Variants in CPT2 observed in about 807,000 individuals in gnomAD.
CPT2 encodes carnitine palmitoyltransferase 2.
Under a neutral mutation model 48.6 loss-of-function variants are expected in CPT2, and 37 were observed. The ratio of observed to expected loss-of-function variants is 0.76; its 90% CI spans 0.59 to 1.00. The LOEUF (loss-of-function observed/expected upper bound fraction) is 1.00. Among genes scored for constraint, CPT2 ranks in the 50% least tolerant of loss-of-function variants. CPT2 has a pLI of 0.00. For missense variants in CPT2, 772 were observed against 825.6 expected (o/e 0.94, Z 0.80); for synonymous variants, 319 against 326.9 (o/e 0.98, Z 0.26).
chr1:53,207,759 C>T (rs1463873438), intron 3 of CPT2: 3 of 152,216 alleles, frequency 2.0e-5, no homozygotes, highest in Admixed American at 6.5e-5. Context: ...CTGCACCCAG[C>T]CCCCAGTTTT....
chr1:53,204,264 T>G (rs1004921145), intron 3 of CPT2: 5 of 152,074 alleles, frequency 3.3e-5, no homozygotes, highest in African/African-American at 1.2e-4. Flanking sequence ...CCTCTAATTT[T>G]CTTTTCTCTC....
chr1:53,211,401 C>A, intron 4 of CPT2, 82 bp downstream of exon 4: 1 of 1,360,738 alleles, frequency 7.3e-7, no homozygotes, highest in Non-Finnish European at 1.0e-6. Flanking sequence ...TACTCCAAAT[C>A]TGATTTCTAC....
At position 53,211,108 on chromosome 1, in the gene CPT2, G is replaced by C. The variant is rs1645423992; in HGVS notation, c.1434G>C (p.Gln478His). The change falls in exon 4 of 5, where the codon CAG becomes CAC. Residue 478 changes from glutamine (Q) to histidine (H), a missense_variant. By Grantham distance (24) the Gln-to-His change is conservative. Coordinates refer to ENST00000371486, the MANE Select transcript of CPT2 (RefSeq NM_000098.3). ...QLAFQMAFLR[Q>H]YGQTVATYES... ...CATTCCAGATGGCCTTCCTGCGGCAGTACGGGCAGACAGTGGCCACCTACG... is the reference window on the plus strand; with the variant it reads ...CATTCCAGATGGCCTTCCTGCGGCACTACGGGCAGACAGTGGCCACCTACG... 1.2e-6 allele frequency: 2 copies of C among 1,614,146 alleles called. No homozygotes were observed. Among genetic ancestry groups the C allele is most frequent in the Non-Finnish European group, 8.5e-7 (1 of 1,180,012 alleles).
Position 53,210,373 on chromosome 1 carries a change from A to G in CPT2, c.699A>G (p.Glu233=). The change falls in exon 4 of 5, where the codon GAA becomes GAG. Residue 233 remains glutamate, a synonymous_variant. Coordinates refer to ENST00000371486, the MANE Select transcript of CPT2 (RefSeq NM_000098.3). ...STRLPKPSRD[E]LFTDDKARHL... ...GTTTACCCAAACCCAGTCGGGATGA[A>G]CTCTTCACTGATGACAAGGCCAGAC... The G allele has an allele frequency of 6.2e-7, 1 of 1,613,944 alleles. No homozygotes were observed. Among genetic ancestry groups the G allele is most frequent in the Non-Finnish European group, 8.5e-7 (1 of 1,180,000 alleles).
chr1:53,204,549 G>A (rs938593065), intron 3 of CPT2, among the ~76,000 whole-genome samples: 4 of 151,890 alleles, frequency 2.6e-5, no homozygotes, highest in Middle Eastern at 3.4e-3. Context: ...TGTTGTCTTC[G>A]ATATGAGTGA....
intron 2 of CPT2, 34 bp downstream of exon 2, chr1:53,200,833 G>C: frequency 2.6e-6 from 4 of 1,560,678 alleles, no homozygotes; most frequent in Non-Finnish European, 3.5e-6. Flanking sequence ...AGCATAGTTG[G>C]GGTGGTTCAA....
rs141814677 is a variant in CPT2 at position 53,213,292 on chromosome 1, T to G, written c.1674T>G (p.Ala558=). The G allele has an allele frequency of 2.0e-5, 33 of 1,614,106 alleles. No individual in the cohort carries two copies. Among genetic ancestry groups the G allele is most frequent in the Admixed American group, 1.7e-5 (1 of 60,008 alleles). ...MGQGFDRHLF[A]LRHLAAAKGI... is the part of the protein sequence containing the mutation. ...AGGGCTTTGACCGACACTTGTTTGCTCTGCGGCATCTGGCAGCAGCCAAAG... is the reference window on the plus strand; with the variant it reads ...AGGGCTTTGACCGACACTTGTTTGCGCTGCGGCATCTGGCAGCAGCCAAAG... Residue 558 remains alanine, a synonymous_variant, in exon 5 of 5, where the codon GCT becomes GCG. Transcript: ENST00000371486.
rs144686779 is a variant in CPT2, at chr1:53,210,118, G to C, written c.444G>C (p.Gln148His). 6.2e-7 allele frequency: 1 copy of C among 1,613,998 alleles called. No individual in the cohort carries two copies. The highest frequency in any genetic ancestry group is 1.3e-5 in the African/African-American group (1 of 74,954). ...ACCCAAAATCTGAGTATAATGACCA[G>C]CTCACCCGGGCAACCAACATGACTG... ...NPDPKSEYND[Q>H]LTRATNMTVS... The change falls in exon 4 of 5, where the codon CAG (glutamine) becomes CAC (histidine). Residue 148 changes from glutamine to histidine, a missense_variant. By Grantham distance (24) the Gln-to-His change is conservative. Transcript: ENST00000371486.
chr1:53,200,469 CTAT>C lies in CPT2; in HGVS notation c.153-245_153-243del, dbSNP rs1426146142. Reference sequence around the variant, plus strand: ...CAGCTTCTGCTTCCCCATTTTGAATCTATTATTGTTATTTAAAATAATTATATT... The same window carrying C: ...CAGCTTCTGCTTCCCCATTTTGAATCTATTGTTATTTAAAATAATTATATT... On this transcript the variant is annotated intron_variant, in intron 1 of 4. Transcript: ENST00000371486. The C allele has an allele frequency of 2.0e-5, 8 of 406,656 alleles. No homozygotes were observed. The Admixed American group carries it at 2.9e-4, about 15-fold the overall frequency. 25.2% of individuals were successfully genotyped at this position (406,656 alleles called of 1,614,324 possible). A position where few individuals can be genotyped will look rare whatever the true frequency, so the allele number is the denominator to read the frequency against.
At position 53,213,219 on chromosome 1, in the gene CPT2, CCT is replaced by C. The variant is rs762257673; in HGVS notation, c.1646-44_1646-43del. On this transcript the variant is annotated intron_variant, in intron 4 of 4. Coordinates refer to ENST00000371486, the MANE Select transcript of CPT2 (RefSeq NM_000098.3). ...GTGAGTTGGGAGGTTTTCCTGAGGT[CCT>C]TTTCCATCCTGAGACTCTGGTTTTC... 3 of 1,604,658 alleles carry C rather than the reference CCT, an allele frequency of 1.9e-6. No individual in the cohort carries two copies. The South Asian group carries it at 3.3e-5, about 18-fold the overall frequency.
chr1:53,209,503 TACA>T (rs1645407701), intron 3 of CPT2: 2 of 180,696 alleles, frequency 1.1e-5, no homozygotes, highest in African/African-American at 4.8e-5. Flanking sequence ...ACTTAAATGC[TACA>T]ACATGGATGA....
At chr1:53,199,533 C>G (rs1287572185) in intron 1 of CPT2, among the ~76,000 whole-genome samples, 1 of 152,126 alleles carries the variant, frequency 6.6e-6, no homozygotes, top group Non-Finnish European at 1.5e-5. Context: ...AATCAAATTG[C>G]CATTGTCTCT....
Position 53,202,377 on chromosome 1 carries a change from T to C in CPT2, c.288T>C (p.His96=), listed in dbSNP as rs1304127437. ...AAAATGGGATTGGAAAAGAACTGCA[T>C]GAGCAGCTGGTTGCTCTGGACAAAC... ...SFENGIGKEL[H]EQLVALDKQN... The change falls in exon 3 of 5, where the codon CAT becomes CAC. Residue 96 remains histidine, a synonymous_variant. Coordinates refer to ENST00000371486, the MANE Select transcript of CPT2 (RefSeq NM_000098.3). The C allele has an allele frequency of 1.2e-6, 2 of 1,614,174 alleles. No homozygotes were observed. The highest frequency in any genetic ancestry group is 1.7e-6 in the Non-Finnish European group (2 of 1,179,980).
At position 53,210,574 on chromosome 1, in the gene CPT2, A is replaced by G; in HGVS notation, c.900A>G (p.Ala300=). 1 of 1,614,172 alleles carries G rather than the reference A, an allele frequency of 6.2e-7. No homozygotes were observed. The highest frequency in any genetic ancestry group is 8.5e-7 in the Non-Finnish European group (1 of 1,180,028). ...CCAGTGAGAACCGAGACATCTGGGC[A>G]GAGCTCAGGCAGAAGCTGATGAGTA... ...YLTSENRDIW[A]ELRQKLMSSG... The change falls in exon 4 of 5, where the codon GCA becomes GCG. Residue 300 remains alanine, a synonymous_variant. Transcript: ENST00000371486.
chr1:53,212,684 C>T (rs188460484), intron 4 of CPT2: 45 of 401,730 alleles, frequency 1.1e-4, no homozygotes, highest in African/African-American at 7.6e-4. Flanking sequence ...CTGGAAAGGA[C>T]CTGGAGGGTC....
At chr1:53,198,484 G>T (rs1465734682) in intron 1 of CPT2, among the ~76,000 whole-genome samples, 1 of 152,208 alleles carries the variant, frequency 6.6e-6, no homozygotes, top group Non-Finnish European at 1.5e-5. Flanking sequence ...AGAAAAAGGG[G>T]CTTTGTGCCT....
chr1:53,211,596 CTT>C, intron 4 of CPT2: 1 of 438,928 alleles, frequency 2.3e-6, no homozygotes, highest in Non-Finnish European at 4.0e-6. Context: ...ATTCTTTTTT[CTT>C]TCTTTTTTTT....
intron 2 of CPT2, 174 bp from the exon 3 acceptor site, chr1:53,202,149 A>G: frequency 1.6e-6 from 1 of 615,350 alleles, no homozygotes; most frequent in Non-Finnish European, 2.9e-6. Context: ...GGTAGTCTAG[A>G]TTATCAATTT....
chr1:53,211,209 G>A lies in CPT2; in HGVS notation c.1535G>A (p.Cys512Tyr), dbSNP rs1490239014. The A allele has an allele frequency of 3.1e-6, 5 of 1,609,676 alleles. No homozygotes were observed. Among genetic ancestry groups the A allele is most frequent in the Non-Finnish European group, 4.2e-6 (5 of 1,177,054 alleles). ...IRPASVYTKR[C>Y]SEAFVREPSR... ...CCGGCCTCCGTCTATACAAAGAGGT[G>A]CTCTGAGGCCTTTGTCAGGGAGCCC... The change falls in exon 4 of 5, where the codon TGC becomes TAC. Residue 512 changes from cysteine to tyrosine, a missense_variant. By Grantham distance (194) the Cys-to-Tyr change is radical. Transcript: ENST00000371486.
Sources: gnomAD v4.1 joint callset for allele counts (sites outside exome capture counted in the v4.1 genomes callset) on GRCh38, gnomAD v4.1.1 for gene constraint, MANE v1.5 for transcripts, NCBI Gene and HGNC (gene_info 2026-07-23, HGNC 2026-07-21) for gene names.